Variants in EPAS1 observed in about 807,000 individuals in gnomAD.
EPAS1 encodes the protein endothelial PAS domain-containing protein 1.
A neutral mutation model predicts 87.9 loss-of-function variants in EPAS1; 23 were observed. That is an observed-to-expected ratio of 0.26 (90% CI 0.19 to 0.37). The LOEUF is 0.37. EPAS1 is among the 10% of genes least tolerant of loss of function. The pLI is 1.00. For missense variants in EPAS1, 1,138 were observed against 1,120.7 expected (o/e 1.02, Z -0.22); for synonymous variants, 508 against 444.3 (o/e 1.14, Z -1.80).
rs560473742 is a variant in EPAS1 at position 46,319,086 on chromosome 2, A to G, written c.26+21149A>G. ...TTATCTGAAAAGCGGCATCTTTTCT[A>G]TATTTCTGACCAGTGTGTTAGCTAT... On this transcript the variant is annotated intron_variant, in intron 1 of 15. Coordinates refer to ENST00000263734, the MANE Select transcript of EPAS1 (RefSeq NM_001430.5). 2.0e-5 allele frequency among the ~76,000 whole-genome samples: 3 copies of G among 152,336 alleles called. No individual in the cohort carries two copies. In the South Asian group the frequency reaches 6.2e-4, roughly 32 times the overall value.
Position 46,338,712 on chromosome 2 carries a change from C to T in EPAS1, c.27-8161C>T, listed in dbSNP as rs75555465. Among the ~76,000 whole-genome samples the T allele has an allele frequency of 8.3e-3, 1,265 of 152,310 alleles. 19 individuals carry two copies. The highest frequency in any genetic ancestry group is 0.029 in the African/African-American group (1,206 of 41,556). Reference sequence around the variant, plus strand: ...TCTTCTCTTCAGATGCTTTGACCTGCGTATGCATGAGGAAGAGAAGCAGCC... The same window carrying T: ...TCTTCTCTTCAGATGCTTTGACCTGTGTATGCATGAGGAAGAGAAGCAGCC... On this transcript the variant is annotated intron_variant, in intron 1 of 15. Coordinates refer to ENST00000263734, the MANE Select transcript of EPAS1 (RefSeq NM_001430.5).
At chr2:46,340,366 CAG>C (rs1683887255) in intron 1 of EPAS1, among the ~76,000 whole-genome samples, 1 of 152,164 alleles carries the variant, frequency 6.6e-6, no homozygotes, top group Non-Finnish European at 1.5e-5. Flanking sequence ...TAGAGTAGGT[CAG>C]AGAGCTGGAG....
chr2:46,333,241 G>C (rs906223475), intron 1 of EPAS1, among the ~76,000 whole-genome samples: 1 of 152,182 alleles, frequency 6.6e-6, no homozygotes, highest in Admixed American at 6.5e-5. Context: ...CTTCATGCCA[G>C]CTCACCATAC....
chr2:46,326,399 T>G (rs1442292298), intron 1 of EPAS1, among the ~76,000 whole-genome samples: 1 of 152,072 alleles, frequency 6.6e-6, no homozygotes, highest in East Asian at 1.9e-4. Flanking sequence ...GATGAATAGG[T>G]GCAGAGAGGA....
At chr2:46,379,335 A>G (rs908349181) in intron 11 of EPAS1, among the ~76,000 whole-genome samples, 1 of 152,096 alleles carries the variant, frequency 6.6e-6, no homozygotes, top group Admixed American at 6.5e-5. Context: ...AGGGAAAACC[A>G]TTAATCCCCC....
chr2:46,329,007 C>A (rs1264407665), intron 1 of EPAS1, among the ~76,000 whole-genome samples: 1 of 152,188 alleles, frequency 6.6e-6, no homozygotes, highest in Non-Finnish European at 1.5e-5. Context: ...AAACATTATT[C>A]CTAATGAGCC....
chr2:46,356,119 A>G (rs1263133309), intron 2 of EPAS1, 32 bp from the exon 3 acceptor site: 1 of 1,441,314 alleles, frequency 6.9e-7, no homozygotes. Flanking sequence ...CTCCACATTC[A>G]TGCAAGCTGT....
rs765544757 is a variant in EPAS1, at chr2:46,297,919, C to T, written c.8C>T (p.Ala3Val). 3.1e-6 allele frequency: 5 copies of T among 1,612,546 alleles called. No individual in the cohort carries two copies. Among genetic ancestry groups the T allele is most frequent in the Non-Finnish European group, 4.2e-6 (5 of 1,179,306 alleles). MTADKEKKRSSSE... is the reference protein window; with the variant it reads MTVDKEKKRSSSE... ...CAAAGGGCCACAGCGACAATGACAG[C>T]TGACAAGGAGAAGAAAAGGTAAGCG... Residue 3 changes from alanine (A) to valine (V), a missense_variant, in exon 1 of 16, where the codon GCT (alanine) becomes GTT (valine). This residue lies in a region of EPAS1 where 351 missense variants were observed against 417.1 expected (regional missense o/e 0.84). Coordinates refer to ENST00000263734, the MANE Select transcript of EPAS1 (RefSeq NM_001430.5).
At chr2:46,306,537 A>G (rs1010113427) in intron 1 of EPAS1, among the ~76,000 whole-genome samples, 2 of 152,234 alleles carry the variant, frequency 1.3e-5, no homozygotes, top group Admixed American at 6.5e-5. Context: ...ATGAGCAATT[A>G]CAGCAAATAT....
intron 6 of EPAS1, among the ~76,000 whole-genome samples, chr2:46,369,377 T>A (rs1049940974): frequency 1.3e-5 from 2 of 152,248 alleles, no homozygotes; most frequent in Non-Finnish European, 2.9e-5. Flanking sequence ...TCTACTAGAA[T>A]GAGCTTGATG....
At chr2:46,325,769 C>T (rs915346488) in intron 1 of EPAS1, among the ~76,000 whole-genome samples, 2 of 152,060 alleles carry the variant, frequency 1.3e-5, no homozygotes, top group Non-Finnish European at 1.5e-5. Context: ...AAAAATTTGG[C>T]GAAAAACTTG....
At chr2:46,369,249 AG>A (rs2103651510) in intron 6 of EPAS1, among the ~76,000 whole-genome samples, 1 of 152,328 alleles carries the variant, frequency 6.6e-6, no homozygotes, top group East Asian at 1.9e-4. Flanking sequence ...AGAAAAGTGA[AG>A]GTTTAAGCAC....
rs1684852065 is a variant in EPAS1 at position 46,380,072 on chromosome 2, G to A, written c.1555-155G>A. Reference sequence around the variant, plus strand: ...TGTACATGACACAGCCAAGTCTGAGGTTTTCCTGATAGGCCCTCGGGAGCC... The same window carrying A: ...TGTACATGACACAGCCAAGTCTGAGATTTTCCTGATAGGCCCTCGGGAGCC... On this transcript the variant is annotated intron_variant, in intron 11 of 15. Coordinates refer to ENST00000263734, the MANE Select transcript of EPAS1 (RefSeq NM_001430.5). The surrounding 1 kb of genome is among the most constrained non-coding windows in gnomAD (Gnocchi z 4.4). 5.6e-6 allele frequency: 7 copies of A among 1,245,792 alleles called. No individual in the cohort carries two copies. The highest frequency in any genetic ancestry group is 8.1e-6 in the Non-Finnish European group (7 of 861,632). 77.2% of individuals were successfully genotyped at this position (1,245,792 alleles called of 1,614,324 possible).
chr2:46,331,904 T>C (rs1683682696), intron 1 of EPAS1, among the ~76,000 whole-genome samples: 1 of 152,180 alleles, frequency 6.6e-6, no homozygotes, highest in Admixed American at 6.5e-5. Flanking sequence ...TCCCCGGGCT[T>C]AAAGTCTTTC....
chr2:46,343,588 A>C (rs1683952729), intron 1 of EPAS1, among the ~76,000 whole-genome samples: 1 of 152,254 alleles, frequency 6.6e-6, no homozygotes, highest in Admixed American at 6.5e-5. Flanking sequence ...GTGAGAATCA[A>C]ATGAGATAAC....
chr2:46,305,114 C>A (rs541189009), intron 1 of EPAS1, among the ~76,000 whole-genome samples: 172 of 152,178 alleles, frequency 1.1e-3, no homozygotes, highest in Non-Finnish European at 2.2e-3. Context: ...CATGGGATGC[C>A]CCTAATAGCA....
intron 1 of EPAS1, among the ~76,000 whole-genome samples, chr2:46,298,248 C>A (rs1419065935): frequency 6.6e-6 from 1 of 152,212 alleles, no homozygotes; most frequent in African/African-American, 2.4e-5. Context: ...CCAGCCGCCC[C>A]GCAGCAGATT....
intron 2 of EPAS1, among the ~76,000 whole-genome samples, chr2:46,355,186 T>C (rs1360880560): frequency 3.9e-5 from 6 of 152,346 alleles, no homozygotes; most frequent in African/African-American, 1.2e-4. Context: ...GGGTAGTGCA[T>C]GTCTTGGAGC....
intron 1 of EPAS1, among the ~76,000 whole-genome samples, chr2:46,330,767 G>T (rs1348331066): frequency 6.6e-6 from 1 of 152,180 alleles, no homozygotes; most frequent in Non-Finnish European, 1.5e-5. Context: ...CCCAAGCATT[G>T]TTCTGGAGTT....
Sources: gnomAD v4.1 joint callset for allele counts (sites outside exome capture counted in the v4.1 genomes callset) on GRCh38, gnomAD v4.1.1 for gene constraint, gnomAD v4.1.1 regional missense constraint, Gnocchi (gnomAD v3.1) non-coding constraint, MANE v1.5 for transcripts, NCBI Gene and HGNC (gene_info 2026-07-23, HGNC 2026-07-21) for gene names.